The following MICAL3 variants were observed in gnomAD, a reference collection of about 807,000 sequenced individuals.
MICAL3 encodes the protein microtubule associated monooxygenase, calponin and LIM domain containing 3.
Under a neutral mutation model 207.4 loss-of-function variants are expected in MICAL3, and 62 were observed. The observed-to-expected ratio is 0.30, with a 90% CI of 0.24 to 0.37. The LOEUF is 0.37. Among genes scored for constraint, MICAL3 ranks in the 10% least tolerant of loss-of-function variants. MICAL3 has a pLI of 1.00. For synonymous variants in MICAL3, 1,077 were observed against 1,069.3 expected (o/e 1.01, Z -0.14); for missense variants, 2,368 against 2,635.6 (o/e 0.90, Z 2.22).
At chr22:17,804,979 C>T (rs1170721888) in intron 29 of MICAL3, among the ~76,000 whole-genome samples, 12 of 152,222 alleles carry the variant, frequency 7.9e-5, no homozygotes, top group Admixed American at 7.9e-4. Flanking sequence ...CTAATCCTTG[C>T]AGCCTGGCCA....
In MICAL3 at chr22:17,818,310, C is replaced by T. The variant is rs200012343; in HGVS notation, c.4351G>A (p.Ala1451Thr). 281 of 1,553,944 alleles carry T rather than the reference C, an allele frequency of 1.8e-4. 2 individuals are homozygous for T. Among genetic ancestry groups the T allele is most frequent in the African/African-American group, 1.5e-3 (114 of 73,976 alleles). ...GGGCTGGAGGGGGGCGTGAGCATGGCGGAGTCCGAGGTGTTGAAGCTCTGG... is the reference window on the plus strand; with the variant it reads ...GGGCTGGAGGGGGGCGTGAGCATGGTGGAGTCCGAGGTGTTGAAGCTCTGG... ...GSQSFNTSDSAMLTPPSSPPP... is the reference protein window; with the variant it reads ...GSQSFNTSDSTMLTPPSSPPP... Residue 1451 changes from alanine (A) to threonine (T), a missense_variant, in exon 26 of 32, where the codon GCC (alanine) becomes ACC (threonine). Physicochemically the swap from Ala to Thr is moderately conservative, Grantham distance 58. Transcript: ENST00000441493.
intron 19 of MICAL3, among the ~76,000 whole-genome samples, chr22:17,854,227 G>T (rs953189672): frequency 2.6e-5 from 4 of 152,068 alleles, no homozygotes; most frequent in South Asian, 2.1e-4. Context: ...CTTGGGGAGG[G>T]GGGTGCTACT....
intron 1 of MICAL3, among the ~76,000 whole-genome samples, chr22:17,929,558 C>CTT (rs1163742420): frequency 2.0e-5 from 2 of 102,430 alleles, no homozygotes; most frequent in African/African-American, 8.2e-5. Flanking sequence ...TCTTTCTTTC[C>CTT]TTTTCTTTTC....
At chr22:17,976,441 T>C (rs1935632602) in intron 1 of MICAL3, among the ~76,000 whole-genome samples, 1 of 151,844 alleles carries the variant, frequency 6.6e-6, no homozygotes, top group South Asian at 2.1e-4. Context: ...CTGGAACCAA[T>C]CACTGTGTTC....
intron 1 of MICAL3, among the ~76,000 whole-genome samples, chr22:17,939,976 A>G (rs765768137): frequency 3.3e-5 from 5 of 152,190 alleles, no homozygotes; most frequent in Non-Finnish European, 7.3e-5. Flanking sequence ...GAAGATACTA[A>G]TAATCCCCTA....
chr22:17,904,781 A>G lies in MICAL3; in HGVS notation c.323T>C (p.Leu108Pro), dbSNP rs756335887. Reference sequence around the variant, plus strand: ...CTCAATAACAACCACCTTGGCCCCCAGTAAGGATAAGTCGATGGCTGTACG... The same window carrying G: ...CTCAATAACAACCACCTTGGCCCCCGGTAAGGATAAGTCGATGGCTGTACG... The part of the protein sequence containing the change: ...GLRTAIDLSL[L>P]GAKVVVIEKR... The change falls in exon 3 of 32, where the codon CTG (leucine) becomes CCG (proline). Residue 108 changes from leucine to proline, a missense_variant. By Grantham distance (98) the Leu-to-Pro change is moderately conservative. This residue lies in a region of MICAL3 where 400 missense variants were observed against 547.0 expected (regional missense o/e 0.73). Transcript: ENST00000441493. The G allele has an allele frequency of 6.2e-7, 1 of 1,614,034 alleles. No homozygotes were observed. The highest frequency in any genetic ancestry group is 8.5e-7 in the Non-Finnish European group (1 of 1,179,890).
At chr22:17,970,393 G>C (rs1344279340) in intron 1 of MICAL3, among the ~76,000 whole-genome samples, 2 of 152,208 alleles carry the variant, frequency 1.3e-5, no homozygotes, top group East Asian at 3.9e-4. Context: ...ACCAGCTGCA[G>C]GGCCATGATC....
chr22:17,796,844 C>T lies in MICAL3; in HGVS notation c.5651-5543G>A, dbSNP rs902560615. ...ACACTACCACCTGGCCCTTGGCGCA[C>T]CCGAGCACCTCACTCCAGGCCCTGC... On this transcript the variant is annotated intron_variant, in intron 29 of 31. Transcript: ENST00000441493. This position sits in a 1 kb window ranked among gnomAD's most constrained non-coding sequence, Gnocchi z 4.4. Among the ~76,000 whole-genome samples the T allele has an allele frequency of 6.6e-6, 1 of 152,216 alleles. No individual in the cohort carries two copies.
intron 16 of MICAL3, among the ~76,000 whole-genome samples, chr22:17,885,254 A>C (rs1929768005): frequency 2.0e-5 from 3 of 152,246 alleles, no homozygotes; most frequent in South Asian, 4.1e-4. Flanking sequence ...AAGAAGCTTT[A>C]TCATAAGAAC....
chr22:17,934,154 C>T (rs1434664277), intron 1 of MICAL3, among the ~76,000 whole-genome samples: 5 of 152,088 alleles, frequency 3.3e-5, no homozygotes, highest in Admixed American at 3.3e-4. Flanking sequence ...ACAACAACAA[C>T]AAAAAAGAAT....
At chr22:17,938,185 G>T (rs1400152724) in intron 1 of MICAL3, among the ~76,000 whole-genome samples, 1 of 152,128 alleles carries the variant, frequency 6.6e-6, no homozygotes, top group African/African-American at 2.4e-5. Flanking sequence ...GGATAACAGG[G>T]TAATTAAGTT....
At chr22:17,970,290 G>A (rs1166706098) in intron 1 of MICAL3, among the ~76,000 whole-genome samples, 1 of 152,232 alleles carries the variant, frequency 6.6e-6, no homozygotes, top group African/African-American at 2.4e-5. Context: ...CATTCCGTCT[G>A]TCCTTGAGTG....
In MICAL3 at chr22:17,896,300, C is replaced by A; in HGVS notation, c.1268G>T (p.Trp423Leu). Residue 423 changes from tryptophan to leucine, a missense_variant, in exon 9 of 32, where the codon TGG (tryptophan) becomes TTG (leucine). Physicochemically the swap from Trp to Leu is moderately conservative, Grantham distance 61 (BLOSUM62 -2). Transcript: ENST00000441493. ...TCCTAGAGACCAACTTCGGACCATC[C>A]AGGCAGAGTCCATAGCAGCTAGAAA... ...RGFLAAMDSA[W>L]MVRSWSLGTS... The A allele has an allele frequency of 6.4e-7, 1 of 1,561,690 alleles. No homozygotes were observed. Among genetic ancestry groups the A allele is most frequent in the East Asian group, 2.4e-5 (1 of 41,642 alleles).
chr22:17,864,839 C>T (rs1396130070), intron 19 of MICAL3, 60 bp downstream of exon 19: 5 of 1,613,908 alleles, frequency 3.1e-6, no homozygotes, highest in African/African-American at 2.7e-5. Context: ...ATGCCCTTGG[C>T]CTTGTCACAG....
chr22:17,978,663 C>A (rs965641424), intron 1 of MICAL3, among the ~76,000 whole-genome samples: 1 of 151,714 alleles, frequency 6.6e-6, no homozygotes, highest in African/African-American at 2.4e-5. Flanking sequence ...GGATTACAGG[C>A]AGCTACCACC....
Position 17,904,688 on chromosome 22 carries a change from C to G in MICAL3, c.416G>C (p.Gly139Ala). Residue 139 changes from glycine to alanine, a missense_variant, in exon 3 of 32, where the codon GGT becomes GCT. Transcript: ENST00000441493. ...LWPFTIHDLR[G>A]LGAKKFYGKF... ...GCCATAGAACTTCTTGGCACCCAGA[C>G]CTCGTAGATCATGTATGGTGAATGG... The G allele has an allele frequency of 6.2e-7, 1 of 1,614,134 alleles. No homozygotes were observed. The highest frequency in any genetic ancestry group is 1.1e-5 in the South Asian group (1 of 91,084).
At chr22:17,816,814 A>G (rs2146005284) in intron 26 of MICAL3, 30 bp from the exon 27 acceptor site, 10 of 1,486,452 alleles carry the variant, frequency 6.7e-6, no homozygotes, top group Non-Finnish European at 9.2e-6. Flanking sequence ...ACGTGAGGAC[A>G]GCGCCAGACA....
chr22:17,886,154 G>C, intron 15 of MICAL3, 103 bp from the exon 16 acceptor site: 1 of 1,249,886 alleles, frequency 8.0e-7, no homozygotes. Flanking sequence ...GGGGCTGGTG[G>C]ACTGGCTCAG....
intron 1 of MICAL3, among the ~76,000 whole-genome samples, chr22:17,922,171 C>T (rs899067587): frequency 6.9e-6 from 1 of 144,732 alleles, no homozygotes; most frequent in Non-Finnish European, 1.5e-5. Context: ...TCCCCTTCAA[C>T]ACTCCTCACT....
Sources: gnomAD v4.1 joint callset for allele counts (sites outside exome capture counted in the v4.1 genomes callset) on GRCh38, gnomAD v4.1.1 for gene constraint, gnomAD v4.1.1 regional missense constraint, Gnocchi (gnomAD v3.1) non-coding constraint, MANE v1.5 for transcripts, NCBI Gene and HGNC (gene_info 2026-07-23, HGNC 2026-07-21) for gene names.